SPART: variants seen among roughly 807,000 people sequenced by gnomAD.
SPART encodes the protein spartin.
SPART carries 35 observed loss-of-function variants against 58.7 expected under a neutral mutation model. The observed-to-expected ratio is 0.60, with a 90% CI of 0.46 to 0.79. SPART has a LOEUF of 0.79. Ranked by LOEUF, SPART falls within the 30% of genes least tolerant of loss-of-function variation. The pLI is 0.00. For missense variants in SPART, 730 were observed against 786.1 expected, an observed-to-expected ratio of 0.93 and a Z score of 0.85; for synonymous variants, 284 against 280.7, an observed-to-expected ratio of 1.01 and a Z score of -0.12.
intron 1 of SPART, among the ~76,000 whole-genome samples, chr13:36,345,920 C>T (rs1289576399): frequency 2.6e-5 from 4 of 152,114 alleles, no homozygotes; most frequent in African/African-American, 7.2e-5. Flanking sequence ...AAGGACTCCG[C>T]GATAGGAATC....
At position 36,304,393 on chromosome 13, in the gene SPART, ACTTC is replaced by A. The variant is rs757837545; in HGVS notation, c.1969_1972del (p.Glu657Ter). 123 of 1,613,794 alleles carry A rather than the reference ACTTC, an allele frequency of 7.6e-5. No individual in the cohort carries two copies. The highest frequency in any genetic ancestry group is 4.1e-4 in the African/African-American group (31 of 74,866). ...TTTATCTTTCTTCTTTGCCTCCTTT[ACTTC>A]CTTCGTCTGCTCATCCTTCTCCCCT... On this transcript the variant is annotated frameshift_variant, in exon 9 of 9. Coordinates refer to ENST00000438666, the MANE Select transcript of SPART (RefSeq NM_015087.5). LOFTEE classifies it high-confidence loss of function.
In SPART at chr13:36,326,624, T is replaced by C; in HGVS notation, c.1239A>G (p.Pro413=). The C allele has an allele frequency of 6.2e-7, 1 of 1,613,612 alleles. No individual in the cohort carries two copies. The highest frequency in any genetic ancestry group is 8.5e-7 in the Non-Finnish European group (1 of 1,179,870). Residue 413 remains proline (P), a synonymous_variant, in exon 5 of 9, where the codon CCA becomes CCG. Coordinates refer to ENST00000438666, the MANE Select transcript of SPART (RefSeq NM_015087.5). Reference sequence around the variant, plus strand: ...TTTCACTCCATTCAGGTAATTCTTTTGGCTTTTCTTCTGGAACTGGCTCAC... The same window carrying C: ...TTTCACTCCATTCAGGTAATTCTTTCGGCTTTTCTTCTGGAACTGGCTCAC... The part of the protein sequence containing the change: ...VPCEPVPEEK[P]KELPEWSEKV...
intron 1 of SPART, among the ~76,000 whole-genome samples, chr13:36,340,115 A>C (rs74724882): frequency 0.14 from 21,810 of 151,874 alleles, 1,949 homozygotes; most frequent in Non-Finnish European, 0.2. Context: ...AAAATAAGAA[A>C]AAAAGGGGAG....
intron 3 of SPART, 150 bp from the exon 4 acceptor site, chr13:36,329,667 C>T (rs913700897): frequency 1.0e-5 from 8 of 796,518 alleles, no homozygotes; most frequent in East Asian, 7.8e-5. Context: ...TTTTTCTCTA[C>T]GATTCTCTTT....
intron 1 of SPART, among the ~76,000 whole-genome samples, chr13:36,357,763 T>G (rs139908445): frequency 2.0e-5 from 3 of 152,338 alleles, no homozygotes; most frequent in Admixed American, 6.5e-5. Flanking sequence ...GTATCATCAG[T>G]CAGACACTAG....
At chr13:36,361,822 T>C (rs1489962753) in intron 1 of SPART, among the ~76,000 whole-genome samples, 2 of 152,244 alleles carry the variant, frequency 1.3e-5, no homozygotes, top group Non-Finnish European at 2.9e-5. Flanking sequence ...GTAAGAAAGC[T>C]ATTACTGATG....
chr13:36,332,395 T>C (rs1407321504), intron 2 of SPART, among the ~76,000 whole-genome samples: 1 of 152,124 alleles, frequency 6.6e-6, no homozygotes, highest in Non-Finnish European at 1.5e-5. Flanking sequence ...CTCCAGCTCC[T>C]TGGGAGGCTG....
chr13:36,350,853 G>T (rs75210756), upstream of SPART, among the ~76,000 whole-genome samples: 3,875 of 152,102 alleles, frequency 0.025, 148 homozygotes, highest in African/African-American at 0.088. Flanking sequence ...GTGAAAGGAG[G>T]AGTAGGAAAA....
chr13:36,352,545 TCAGA>T (rs1885457527), intron 1 of SPART, among the ~76,000 whole-genome samples: 1 of 152,044 alleles, frequency 6.6e-6, no homozygotes, highest in South Asian at 2.1e-4. Flanking sequence ...ACAGGCAAAA[TCAGA>T]CAGATAAATG....
At chr13:36,342,398 C>T (rs969134548) in intron 1 of SPART, among the ~76,000 whole-genome samples, 5 of 152,188 alleles carry the variant, frequency 3.3e-5, no homozygotes, top group Non-Finnish European at 5.9e-5. Context: ...AGAGATCATA[C>T]ATGGCCCCAA....
At chr13:36,360,977 T>C (rs1885835238) in intron 1 of SPART, among the ~76,000 whole-genome samples, 2 of 152,228 alleles carry the variant, frequency 1.3e-5, no homozygotes, top group African/African-American at 4.8e-5. Context: ...TGTCCAGAAA[T>C]GTCTTGGGAG....
intron 1 of SPART, among the ~76,000 whole-genome samples, chr13:36,358,715 C>T (rs1885718459): frequency 6.6e-6 from 1 of 152,162 alleles, no homozygotes. Context: ...CAGCAGGGCA[C>T]TTCTTAAGCA....
intron 1 of SPART, among the ~76,000 whole-genome samples, chr13:36,339,273 T>C (rs1193529979): frequency 6.6e-6 from 1 of 151,916 alleles, no homozygotes; most frequent in Non-Finnish European, 1.5e-5. Context: ...CATACAATTA[T>C]AGAAAATGCC....
At chr13:36,334,347 A>C (rs983547806) in intron 2 of SPART, among the ~76,000 whole-genome samples, 1 of 152,062 alleles carries the variant, frequency 6.6e-6, no homozygotes, top group Non-Finnish European at 1.5e-5. Context: ...CTCTGCTTGG[A>C]CTGTTGGAAT....
chr13:36,326,680 C>T lies in SPART; in HGVS notation c.1183G>A (p.Glu395Lys). The T allele has an allele frequency of 6.2e-7, 1 of 1,613,048 alleles. No individual in the cohort carries two copies. Among genetic ancestry groups the T allele is most frequent in the South Asian group, 1.1e-5 (1 of 91,028 alleles). ...RGKRAKDTSS[E>K]EVNLSHIVPC... ...ACAATGTGACTCAGGTTAACTTCTT[C>T]ACTTGAAGTATCTTTAGCCTAAACA... The change falls in exon 5 of 9, where the codon GAA (glutamate) becomes AAA (lysine). Residue 395 changes from glutamate (E) to lysine (K), a missense_variant. Physicochemically the swap from Glu to Lys is moderately conservative, Grantham distance 56. Coordinates refer to ENST00000438666, the MANE Select transcript of SPART (RefSeq NM_015087.5).
chr13:36,304,733 T>A, intron 8 of SPART, 101 bp from the exon 9 acceptor site: 1 of 1,273,436 alleles, frequency 7.9e-7, no homozygotes, highest in Non-Finnish European at 1.1e-6. Context: ...GTGTTACCCC[T>A]GAAAGCAAAA....
chr13:36,334,375 C>A (rs1028294184), intron 2 of SPART, among the ~76,000 whole-genome samples: 1 of 152,136 alleles, frequency 6.6e-6, no homozygotes, highest in African/African-American at 2.4e-5. Context: ...TAAATTATCA[C>A]CACAGTCTCG....
intron 5 of SPART, among the ~76,000 whole-genome samples, chr13:36,316,419 T>C (rs1881709091): frequency 7.0e-6 from 1 of 142,992 alleles, no homozygotes; most frequent in South Asian, 2.3e-4. Context: ...ATCACAAAAG[T>C]GAATATGCCC....
Position 36,302,058 on chromosome 13 carries a change from T to G in SPART, c.*2307A>C, listed in dbSNP as rs1880036707. 1 of 152,122 alleles carries G rather than the reference T, an allele frequency of 6.6e-6. No individual in the cohort carries two copies. The highest frequency in any genetic ancestry group is 2.1e-4 in the South Asian group (1 of 4,822). The allele number at this position is 152,122 out of a possible 1,614,324, so 9.4% of individuals were successfully genotyped here. On this transcript the variant is annotated 3_prime_UTR_variant, in exon 9 of 9. Coordinates refer to ENST00000438666, the MANE Select transcript of SPART (RefSeq NM_015087.5). ...GCTTCAAAAAATGAAACAGTATGTT[T>G]GGAGAACATACATGTGTGATTAAAA... is the stretch of plus-strand genomic sequence containing the variant.
Sources: gnomAD v4.1 joint callset for allele counts (sites outside exome capture counted in the v4.1 genomes callset) on GRCh38, gnomAD v4.1.1 for gene constraint, MANE v1.5 for transcripts, NCBI Gene and HGNC (gene_info 2026-07-23, HGNC 2026-07-21) for gene names.